Variants in PRRX2 observed in about 807,000 individuals in gnomAD.
PRRX2 encodes paired related homeobox 2, also known as paired mesoderm homeobox protein 2.
In PRRX2, 11 loss-of-function variants were observed where a neutral mutation model predicts 18.0. The ratio of observed to expected loss-of-function variants is 0.61; its 90% confidence interval spans 0.39 to 1.01. PRRX2 has a LOEUF of 1.01. Ranked by LOEUF, PRRX2 falls within the 50% of genes least tolerant of loss-of-function variation. The probability of loss-of-function intolerance (pLI) is 0.01; values close to 1 mark genes in which losing one functional copy is unlikely to be tolerated. For missense variants in PRRX2, 387 were observed against 351.0 expected (o/e 1.10, Z -0.82); for synonymous variants, 177 against 154.8 (o/e 1.14, Z -1.06).
intron 1 of PRRX2, among the ~76,000 whole-genome samples, chr9:129,705,678 TC>T (rs1466415889): frequency 6.6e-6 from 1 of 151,716 alleles, no homozygotes; most frequent in East Asian, 2.0e-4. Context: ...TTCTCAAGGA[TC>T]CTGGGCTCAG....
At chr9:129,694,521 G>A (rs955359053) in intron 1 of PRRX2, among the ~76,000 whole-genome samples, 13 of 152,256 alleles carry the variant, frequency 8.5e-5, no homozygotes, top group African/African-American at 3.1e-4. Context: ...ATTCTGTGCT[G>A]GCTGCCTCCT....
chr9:129,708,329 T>G (rs1259528514), intron 1 of PRRX2, among the ~76,000 whole-genome samples: 1 of 152,206 alleles, frequency 6.6e-6, no homozygotes, highest in Admixed American at 6.5e-5. Context: ...TGAGCCACCA[T>G]GCACGGCCGT....
chr9:129,676,440 T>G (rs1411295360), intron 1 of PRRX2, among the ~76,000 whole-genome samples: 1 of 151,950 alleles, frequency 6.6e-6, no homozygotes, highest in East Asian at 1.9e-4. Flanking sequence ...CAGACAGTGC[T>G]CAGAAGAAAG....
Position 129,665,801 on chromosome 9 carries a change from C to T in PRRX2, c.-67C>T. The T allele has an allele frequency of 1.0e-6, 1 of 1,004,306 alleles. No individual in the cohort carries two copies. The highest frequency in any genetic ancestry group is 1.2e-6 in the Non-Finnish European group (1 of 840,622). 62.2% of individuals were successfully genotyped at this position (1,004,306 alleles called of 1,614,324 possible). ...CGGCCGGGGCTCTCGCTCCGACCCG[C>T]GCCCGCGACCCTTCCTGGGACCCGA... is the stretch of plus-strand genomic sequence containing the variant. On this transcript the variant is annotated 5_prime_UTR_variant, in exon 1 of 4. Transcript: ENST00000372469. This position sits in a 1 kb window ranked among gnomAD's most constrained non-coding sequence, Gnocchi z 5.3.
intron 1 of PRRX2, among the ~76,000 whole-genome samples, chr9:129,682,912 C>G (rs1210460162): frequency 2.8e-5 from 4 of 144,300 alleles, no homozygotes; most frequent in Non-Finnish European, 6.2e-5. Flanking sequence ...CGAAACCAGC[C>G]TGACCAACAT....
At chr9:129,707,821 A>G (rs1008282282) in intron 1 of PRRX2, among the ~76,000 whole-genome samples, 4 of 151,660 alleles carry the variant, frequency 2.6e-5, no homozygotes, top group African/African-American at 9.7e-5. Flanking sequence ...CTATGGACAT[A>G]TGTCATTGTG....
intron 1 of PRRX2, among the ~76,000 whole-genome samples, chr9:129,682,673 G>C (rs887481475): frequency 6.6e-6 from 1 of 152,180 alleles, no homozygotes; most frequent in African/African-American, 2.4e-5. Context: ...AACAGCTCAG[G>C]TATCTGTGGC....
chr9:129,709,657 T>C lies in PRRX2; in HGVS notation c.260-9574T>C, dbSNP rs148168391. Among the ~76,000 whole-genome samples the C allele has an allele frequency of 0.016, 2,402 of 152,332 alleles. 35 individuals are homozygous for C. The highest frequency in any genetic ancestry group is 0.044 in the Middle Eastern group (13 of 294). ...CTTCCTTCCCGGGATGTGTTTCTCC[T>C]TCTCCAGGCTGGTAGCTATAAAAAT... On this transcript the variant is annotated intron_variant, in intron 1 of 3. Coordinates refer to ENST00000372469, the MANE Select transcript of PRRX2 (RefSeq NM_016307.4). The surrounding 1 kb of genome is among the most constrained non-coding windows in gnomAD (Gnocchi z 4.2).
chr9:129,711,317 G>A (rs1448511358), intron 1 of PRRX2, among the ~76,000 whole-genome samples: 1 of 151,714 alleles, frequency 6.6e-6, no homozygotes. Flanking sequence ...ACGTAAAATG[G>A]AACTAGGAGC....
intron 1 of PRRX2, among the ~76,000 whole-genome samples, chr9:129,681,813 C>CAT (rs539498648): frequency 3.8e-3 from 586 of 152,292 alleles, no homozygotes; most frequent in Non-Finnish European, 7.2e-3. Context: ...ACACTAAAGG[C>CAT]CAATGCATCT....
intron 1 of PRRX2, among the ~76,000 whole-genome samples, chr9:129,705,475 C>T (rs1832545625): frequency 6.6e-6 from 1 of 152,180 alleles, no homozygotes; most frequent in African/African-American, 2.4e-5. Context: ...CTGCCTCAGC[C>T]TCCCGGGTAG....
chr9:129,696,669 T>A (rs554694152), intron 1 of PRRX2, among the ~76,000 whole-genome samples: 1 of 152,244 alleles, frequency 6.6e-6, no homozygotes, highest in East Asian at 1.9e-4. Context: ...GGATTCCAAA[T>A]AAGCAGCTGT....
chr9:129,678,820 C>G (rs1003794430), intron 1 of PRRX2, among the ~76,000 whole-genome samples: 1 of 152,164 alleles, frequency 6.6e-6, no homozygotes, highest in Non-Finnish European at 1.5e-5. Context: ...GCATCTCTTA[C>G]GGTCACATGG....
Position 129,715,750 on chromosome 9 carries a change from T to TCTCTCTCTCTCACACACACACA in PRRX2, c.260-3480_260-3479insTCTCTCTCTCACACACACACAC, listed in dbSNP as rs762929485. Among the ~76,000 whole-genome samples, 1 of 138,862 alleles carries TCTCTCTCTCTCACACACACACA rather than the reference T, an allele frequency of 7.2e-6. No homozygotes were observed. The highest frequency in any genetic ancestry group is 2.7e-5 in the African/African-American group (1 of 36,808). The allele number at this position is 138,862 out of a possible 152,430, so 91.1% of individuals were successfully genotyped here. On this transcript the variant is annotated intron_variant, in intron 1 of 3. Transcript: ENST00000372469. The surrounding 1 kb of genome is among the most constrained non-coding windows in gnomAD (Gnocchi z 4.0). The stretch of plus-strand genomic sequence containing the variant: ...AAACCCAGCTTCAGGGACATCTTTC[T>TCTCTCTCTCTCACACACACACA]CACACACACACACACACACACACAC...
intron 1 of PRRX2, among the ~76,000 whole-genome samples, chr9:129,692,655 G>A (rs1232768569): frequency 6.6e-6 from 1 of 152,180 alleles, no homozygotes; most frequent in African/African-American, 2.4e-5. Flanking sequence ...CATACAGTAT[G>A]TAGCCTCTTG....
In PRRX2 at chr9:129,700,943, C is replaced by T. The variant is rs571822992; in HGVS notation, c.260-18288C>T. Among the ~76,000 whole-genome samples, 4 of 152,272 alleles carry T rather than the reference C, an allele frequency of 2.6e-5. No individual in the cohort carries two copies. The East Asian group carries it at 5.8e-4, about 22-fold the overall frequency. ...CAGTACGCCACCTTTTGTGGGCTGG[C>T]CTGTTCTGACCAACTTGGTAGCAAA... is the stretch of plus-strand genomic sequence containing the variant. On this transcript the variant is annotated intron_variant, in intron 1 of 3. Coordinates refer to ENST00000372469, the MANE Select transcript of PRRX2 (RefSeq NM_016307.4).
intron 1 of PRRX2, among the ~76,000 whole-genome samples, chr9:129,717,321 CA>C (rs1330852156): frequency 6.6e-6 from 1 of 152,148 alleles, no homozygotes; most frequent in Admixed American, 6.5e-5. Flanking sequence ...CCACCTGCCT[CA>C]GCGTCCCGAA....
intron 1 of PRRX2, among the ~76,000 whole-genome samples, chr9:129,714,615 C>A (rs867216342): frequency 6.6e-6 from 1 of 152,070 alleles, no homozygotes; most frequent in East Asian, 1.9e-4. Flanking sequence ...GTGTTGGGGG[C>A]GGTCTGGGGC....
intron 1 of PRRX2, among the ~76,000 whole-genome samples, chr9:129,690,246 C>T (rs1319224184): frequency 6.6e-6 from 1 of 152,168 alleles, no homozygotes; most frequent in African/African-American, 2.4e-5. Context: ...GAGCTGGGGC[C>T]CGAGTTTTCT....
Sources: gnomAD v4.1 joint callset for allele counts (sites outside exome capture counted in the v4.1 genomes callset) on GRCh38, gnomAD v4.1.1 for gene constraint, Gnocchi (gnomAD v3.1) non-coding constraint, MANE v1.5 for transcripts, NCBI Gene and HGNC (gene_info 2026-07-23, HGNC 2026-07-21) for gene names.